Variants in AGAP1 observed in about 807,000 individuals in gnomAD.
The protein encoded by AGAP1 is ArfGAP with GTPase domain, ankyrin repeat and PH domain 1.
AGAP1 carries 29 observed loss-of-function variants against 105.3 expected under a neutral mutation model. The ratio of observed to expected loss-of-function variants is 0.28; its 90% CI spans 0.21 to 0.38. The LOEUF is 0.38. Among genes scored for constraint, AGAP1 ranks in the 10% least tolerant of loss-of-function variants. The pLI, the probability that AGAP1 is intolerant of heterozygous loss-of-function variation, is 1.00. For missense variants in AGAP1, 998 were observed against 1,165.1 expected (o/e 0.86, Z 2.09); for synonymous variants, 509 against 485.9 (o/e 1.05, Z -0.63).
intron 1 of AGAP1, among the ~76,000 whole-genome samples, chr2:235,650,639 AC>A (rs1947551028): frequency 1.3e-5 from 2 of 152,260 alleles, no homozygotes; most frequent in Admixed American, 1.3e-4. Context: ...CTTGCTCTTT[AC>A]CCTGCTCTGC....
At chr2:235,544,751 A>G (rs1019666912) in intron 1 of AGAP1, among the ~76,000 whole-genome samples, 8 of 152,186 alleles carry the variant, frequency 5.3e-5, no homozygotes, top group East Asian at 1.9e-4. Context: ...CCACACTGCA[A>G]CTGTCAAACT....
At chr2:236,017,199 A>T (rs1238430761) in intron 13 of AGAP1, among the ~76,000 whole-genome samples, 1 of 151,698 alleles carries the variant, frequency 6.6e-6, no homozygotes, top group Non-Finnish European at 1.5e-5. Context: ...AGGCTGAGGC[A>T]GGAGAATCGC....
intron 1 of AGAP1, among the ~76,000 whole-genome samples, chr2:235,579,344 G>A (rs1354692008): frequency 6.6e-6 from 1 of 152,130 alleles, no homozygotes; most frequent in East Asian, 1.9e-4. Context: ...CAGCCTTTTT[G>A]TTAAAACAAA....
chr2:235,785,494 T>C (rs1485923345), intron 6 of AGAP1, among the ~76,000 whole-genome samples: 1 of 152,234 alleles, frequency 6.6e-6, no homozygotes, highest in Non-Finnish European at 1.5e-5. Flanking sequence ...TCTTTAGAAC[T>C]CTTGCGTCTC....
At chr2:235,702,035 T>A (rs1015864744) in intron 1 of AGAP1, among the ~76,000 whole-genome samples, 12 of 152,212 alleles carry the variant, frequency 7.9e-5, no homozygotes, top group Admixed American at 6.5e-4. Context: ...AATATGTTGT[T>A]TTTAAAATGT....
intron 12 of AGAP1, among the ~76,000 whole-genome samples, chr2:235,944,195 A>G (rs902713245): frequency 6.6e-6 from 1 of 152,212 alleles, no homozygotes; most frequent in African/African-American, 2.4e-5. Flanking sequence ...TACAGGAAAC[A>G]ATTATAATTA....
rs2055405346 is a variant in AGAP1 at position 235,988,204 on chromosome 2, A to G, written c.1645+19581A>G. On this transcript the variant is annotated intron_variant, in intron 13 of 17. Coordinates refer to ENST00000304032, the MANE Select transcript of AGAP1 (RefSeq NM_001037131.3). The surrounding 1 kb of genome is among the most constrained non-coding windows in gnomAD (Gnocchi z 4.7). ...GTTAAAGGTGCCCACCACCACGCCCAGCTAATTTTTGTGTTTTTAGTAGAG... is the reference window on the plus strand; with the variant it reads ...GTTAAAGGTGCCCACCACCACGCCCGGCTAATTTTTGTGTTTTTAGTAGAG... Among the ~76,000 whole-genome samples the G allele has an allele frequency of 1.3e-5, 2 of 152,052 alleles. No individual in the cohort carries two copies. The highest frequency in any genetic ancestry group is 6.6e-5 in the Admixed American group (1 of 15,250).
At chr2:235,513,779 A>G (rs1355115027) in intron 1 of AGAP1, among the ~76,000 whole-genome samples, 4 of 152,140 alleles carry the variant, frequency 2.6e-5, no homozygotes, top group Non-Finnish European at 5.9e-5. Context: ...TCTGGCTGGC[A>G]GATAGAGGAC....
chr2:235,775,664 C>T (rs1397022580), intron 6 of AGAP1: 1 of 152,094 alleles, frequency 6.6e-6, no homozygotes, highest in African/African-American at 2.4e-5. Flanking sequence ...TACCTGGTCA[C>T]GCTCTAATTT....
intron 1 of AGAP1, among the ~76,000 whole-genome samples, chr2:235,537,968 G>A (rs982914599): frequency 4.6e-5 from 7 of 152,164 alleles, no homozygotes; most frequent in Admixed American, 1.3e-4. Context: ...TGTACCAACC[G>A]TACTAAGAGG....
intron 1 of AGAP1, among the ~76,000 whole-genome samples, chr2:235,590,692 C>CGTGT (rs1183327731): frequency 2.9e-4 from 21 of 72,592 alleles, no homozygotes; most frequent in African/African-American, 8.1e-4. Flanking sequence ...TGTGCGTGTG[C>CGTGT]GTGTGTGTGT....
chr2:235,735,299 C>CT (rs1203569180), intron 3 of AGAP1, among the ~76,000 whole-genome samples: 3 of 152,256 alleles, frequency 2.0e-5, no homozygotes, highest in African/African-American at 4.8e-5. Context: ...CAAAAGGGCC[C>CT]TTTTTTTGGA....
chr2:235,998,988 G>C (rs538910678), intron 13 of AGAP1, among the ~76,000 whole-genome samples: 2 of 150,982 alleles, frequency 1.3e-5, no homozygotes, highest in South Asian at 4.2e-4. Context: ...ACGGGGTAGT[G>C]GTGGTGATTG....
chr2:235,772,468 G>A (rs1955536579), intron 6 of AGAP1, among the ~76,000 whole-genome samples: 1 of 152,196 alleles, frequency 6.6e-6, no homozygotes, highest in Non-Finnish European at 1.5e-5. Flanking sequence ...CATCTTAGCT[G>A]TTCCTCAGTC....
rs1375754618 is a variant in AGAP1, at chr2:235,621,683, G to A, written c.164-87496G>A. 2.0e-5 allele frequency among the ~76,000 whole-genome samples: 3 copies of A among 152,214 alleles called. No homozygotes were observed. In the East Asian group the frequency reaches 5.8e-4, roughly 29 times the overall value. ...GGGTTGGTCATTCCCTGTGCCCATT[G>A]TTCATGCATTGGAACTTGGAGTGCC... On this transcript the variant is annotated intron_variant, in intron 1 of 17. Coordinates refer to ENST00000304032, the MANE Select transcript of AGAP1 (RefSeq NM_001037131.3). This position sits in a 1 kb window ranked among gnomAD's most constrained non-coding sequence, Gnocchi z 4.1.
At chr2:235,885,199 G>A (rs1211606854) in intron 10 of AGAP1, among the ~76,000 whole-genome samples, 6 of 152,080 alleles carry the variant, frequency 3.9e-5, no homozygotes, top group African/African-American at 7.2e-5. Flanking sequence ...CCTTCCACAA[G>A]CACATGGTCA....
At position 236,016,991 on chromosome 2, in the gene AGAP1, T is replaced by C. The variant is rs1459339744; in HGVS notation, c.1646-19570T>C. On this transcript the variant is annotated intron_variant, in intron 13 of 17. Coordinates refer to ENST00000304032, the MANE Select transcript of AGAP1 (RefSeq NM_001037131.3). ...TCTCATTTCATACGGTTTTTAATAA[T>C]GTATTACAGAATTCAGGCCAGACGC... Among the ~76,000 whole-genome samples the C allele has an allele frequency of 2.0e-5, 3 of 152,156 alleles. No individual in the cohort carries two copies. In the East Asian group the frequency reaches 5.8e-4, roughly 29 times the overall value.
chr2:235,606,826 G>GC (rs2149246729), intron 1 of AGAP1, among the ~76,000 whole-genome samples: 1 of 152,006 alleles, frequency 6.6e-6, no homozygotes, highest in Admixed American at 6.6e-5. Flanking sequence ...GCGCACGCCT[G>GC]CAGTCCCAGC....
intron 6 of AGAP1, chr2:235,774,322 G>A (rs1381321602): frequency 2.1e-6 from 1 of 470,034 alleles, no homozygotes; most frequent in South Asian, 1.6e-5. Flanking sequence ...GCCCAGGGCT[G>A]GGAAGATAGA....
Sources: gnomAD v4.1 joint callset for allele counts (sites outside exome capture counted in the v4.1 genomes callset) on GRCh38, gnomAD v4.1.1 for gene constraint, Gnocchi (gnomAD v3.1) non-coding constraint, MANE v1.5 for transcripts, NCBI Gene and HGNC (gene_info 2026-07-23, HGNC 2026-07-21) for gene names.